ZFYVE9: variants seen among roughly 807,000 people sequenced by gnomAD.
ZFYVE9 encodes the protein zinc finger FYVE domain-containing protein 9.
A neutral mutation model predicts 126.7 loss-of-function variants in ZFYVE9; 43 were observed. That is an observed-to-expected ratio of 0.34 (90% CI 0.27 to 0.44). ZFYVE9 has a LOEUF of 0.44. Ranked by LOEUF, ZFYVE9 falls within the 20% of genes least tolerant of loss-of-function variation. The pLI, the probability that ZFYVE9 is intolerant of heterozygous loss-of-function variation, is 1.00. For synonymous variants in ZFYVE9, 521 were observed against 597.4 expected (o/e 0.87, Z 1.87); for missense variants, 1,476 against 1,697.0 (o/e 0.87, Z 2.29).
At position 52,292,605 on chromosome 1, in the gene ZFYVE9, G is replaced by A. The variant is rs944000050; in HGVS notation, c.3026-848G>A. ...TCCTGCCTCAGCCTCCTGAGTAGCT[G>A]GGATTACAGGCGCACACCACTACGC... is the stretch of plus-strand genomic sequence containing the variant. On this transcript the variant is annotated intron_variant, in intron 10 of 18. Coordinates refer to ENST00000287727, the MANE Select transcript of ZFYVE9 (RefSeq NM_004799.4). Among the ~76,000 whole-genome samples the A allele has an allele frequency of 6.0e-5, 9 of 151,090 alleles. 1 individual carries two copies. The South Asian group carries it at 1.9e-3, about 32-fold the overall frequency.
chr1:52,329,042 G>A (rs766267752), intron 13 of ZFYVE9, among the ~76,000 whole-genome samples: 1 of 152,080 alleles, frequency 6.6e-6, no homozygotes, highest in Non-Finnish European at 1.5e-5. Flanking sequence ...ACTACAAAAC[G>A]TTGCTGAAAG....
intron 2 of ZFYVE9, among the ~76,000 whole-genome samples, chr1:52,231,272 C>T (rs1253058500): frequency 6.6e-6 from 1 of 152,106 alleles, no homozygotes; most frequent in Non-Finnish European, 1.5e-5. Context: ...AATCCCAGCA[C>T]TTTGGAAGGC....
chr1:52,301,272 G>A (rs1469838637), intron 12 of ZFYVE9, among the ~76,000 whole-genome samples: 4 of 121,028 alleles, frequency 3.3e-5, no homozygotes, highest in Admixed American at 1.6e-4. Context: ...TTTTCTTAAC[G>A]TTGTTTTTCT....
rs1259037849 is a variant in ZFYVE9, at chr1:52,238,718, A to T, written c.1301A>T (p.Asp434Val). 1.2e-6 allele frequency: 2 copies of T among 1,614,156 alleles called. No individual in the cohort carries two copies. Among genetic ancestry groups the T allele is most frequent in the South Asian group, 1.1e-5 (1 of 91,080 alleles). Residue 434 changes from aspartate to valine, a missense_variant, in exon 4 of 19, where the codon GAT (aspartate) becomes GTT (valine). Around this residue, in one of 2 missense-constraint regions of ZFYVE9, gnomAD observed 807 missense variants for 794.6 expected, o/e 1.02. Coordinates refer to ENST00000287727, the MANE Select transcript of ZFYVE9 (RefSeq NM_004799.4). ...QISQPEDTNG[D>V]SGGQCVGLAD... is the part of the protein sequence containing the mutation. ...AGTCAGCCTGAGGACACTAATGGTGATAGTGGAGGACAGTGTGTTGGATTG... is the reference window on the plus strand; with the variant it reads ...AGTCAGCCTGAGGACACTAATGGTGTTAGTGGAGGACAGTGTGTTGGATTG...
intron 18 of ZFYVE9, chr1:52,345,849 T>C: frequency 2.3e-6 from 1 of 433,814 alleles, no homozygotes; most frequent in Admixed American, 3.9e-5. Context: ...TTAAGTGGCT[T>C]ACCCAGTGCC....
intron 16 of ZFYVE9, among the ~76,000 whole-genome samples, 165 bp from the exon 17 acceptor site, chr1:52,339,961 A>T (rs1411627753): frequency 6.6e-6 from 1 of 152,162 alleles, no homozygotes; most frequent in East Asian, 1.9e-4. Flanking sequence ...CAGTTCATGT[A>T]CATTTTTATA....
chr1:52,341,537 T>G (rs972593744), intron 17 of ZFYVE9, among the ~76,000 whole-genome samples: 2 of 152,260 alleles, frequency 1.3e-5, no homozygotes, highest in Admixed American at 1.3e-4. Flanking sequence ...TGGTAGATCT[T>G]AGATCCCTTT....
At chr1:52,247,514 T>C (rs1236218723) in intron 4 of ZFYVE9, among the ~76,000 whole-genome samples, 1 of 152,106 alleles carries the variant, frequency 6.6e-6, no homozygotes, top group Non-Finnish European at 1.5e-5. Flanking sequence ...TGTTTTTTTT[T>C]GAGACGGAGT....
intron 8 of ZFYVE9, among the ~76,000 whole-genome samples, chr1:52,277,128 T>C (rs1258373500): frequency 6.6e-6 from 1 of 152,216 alleles, no homozygotes; most frequent in Non-Finnish European, 1.5e-5. Flanking sequence ...TTTTAATAAA[T>C]CTTAGATTAA....
At chr1:52,301,515 A>T (rs1646035350) in intron 12 of ZFYVE9, among the ~76,000 whole-genome samples, 1 of 151,236 alleles carries the variant, frequency 6.6e-6, no homozygotes, top group Non-Finnish European at 1.5e-5. Flanking sequence ...TGTTTCTCAG[A>T]CTGGTCTCCA....
At chr1:52,338,481 T>G (rs79463760) in intron 16 of ZFYVE9, among the ~76,000 whole-genome samples, 37 of 152,290 alleles carry the variant, frequency 2.4e-4, no homozygotes, top group African/African-American at 8.9e-4. Flanking sequence ...CCCTCACCCC[T>G]TTCTTCCTCT....
intron 16 of ZFYVE9, 66 bp from the exon 17 acceptor site, chr1:52,340,060 G>A (rs370350758): frequency 1.9e-5 from 26 of 1,334,150 alleles, no homozygotes; most frequent in African/African-American, 2.9e-5. Context: ...GCAGCAAAAC[G>A]TGATAGGAAA....
chr1:52,246,937 A>AC (rs1645391982), intron 4 of ZFYVE9, among the ~76,000 whole-genome samples: 1 of 151,816 alleles, frequency 6.6e-6, no homozygotes, highest in African/African-American at 2.4e-5. Context: ...CGAGCTCCTG[A>AC]CCTCAGGTGA....
At chr1:52,288,857 C>T (rs1215922318) in intron 10 of ZFYVE9, among the ~76,000 whole-genome samples, 4 of 135,588 alleles carry the variant, frequency 3.0e-5, no homozygotes, top group East Asian at 2.3e-4. Context: ...ACCCGGGAGG[C>T]GGAGGTTTCA....
intron 17 of ZFYVE9, among the ~76,000 whole-genome samples, chr1:52,342,150 G>C (rs1285046064): frequency 1.3e-5 from 2 of 152,180 alleles, no homozygotes; most frequent in African/African-American, 4.8e-5. Context: ...CAGGTACGGG[G>C]CTTCGGAGCT....
chr1:52,216,239 T>A (rs1441658056), intron 1 of ZFYVE9, 130 bp from the exon 2 acceptor site: 2 of 395,810 alleles, frequency 5.1e-6, no homozygotes, highest in Non-Finnish European at 8.9e-6. Flanking sequence ...GGTCTTTGAA[T>A]CCAAAGGTAT....
chr1:52,294,763 G>C (rs1018066181), intron 11 of ZFYVE9, among the ~76,000 whole-genome samples: 1 of 152,188 alleles, frequency 6.6e-6, no homozygotes, highest in African/African-American at 2.4e-5. Context: ...TCAGCTAAAT[G>C]AATCAGGGAA....
At chr1:52,235,821 C>T (rs1645268463) in intron 3 of ZFYVE9, among the ~76,000 whole-genome samples, 1 of 152,250 alleles carries the variant, frequency 6.6e-6, no homozygotes, top group East Asian at 1.9e-4. Flanking sequence ...TCGCTTACCT[C>T]ATCCTGGAAA....
intron 1 of ZFYVE9, among the ~76,000 whole-genome samples, chr1:52,151,778 A>T (rs745476867): frequency 9.2e-5 from 14 of 151,914 alleles, no homozygotes; most frequent in Non-Finnish European, 1.9e-4. Context: ...CGGCCTCCCA[A>T]AGTGCTGGGA....
Sources: gnomAD v4.1 joint callset for allele counts (sites outside exome capture counted in the v4.1 genomes callset) on GRCh38, gnomAD v4.1.1 for gene constraint, gnomAD v4.1.1 regional missense constraint, MANE v1.5 for transcripts, NCBI Gene and HGNC (gene_info 2026-07-23, HGNC 2026-07-21) for gene names.